The following TBX5 variants were observed in gnomAD, a reference collection of about 807,000 sequenced individuals.
TBX5 encodes the protein T-box transcription factor 5.
Under a neutral mutation model 51.1 loss-of-function variants are expected in TBX5, and 8 were observed. The observed-to-expected ratio is 0.16, with a 90% confidence interval of 0.09 to 0.28. The LOEUF is 0.28. TBX5 is among the 10% of genes least tolerant of loss of function. The probability of loss-of-function intolerance (pLI) is 1.00; values close to 1 mark genes in which losing one functional copy is unlikely to be tolerated. For missense variants in TBX5, 589 were observed against 671.7 expected, an observed-to-expected ratio of 0.88 and a Z score of 1.36; for synonymous variants, 302 against 266.4, an observed-to-expected ratio of 1.13 and a Z score of -1.30.
At chr12:114,368,004 G>T (rs1347715580) in intron 7 of TBX5, among the ~76,000 whole-genome samples, 4 of 152,158 alleles carry the variant, frequency 2.6e-5, no homozygotes, top group Non-Finnish European at 4.4e-5. Context: ...CCTAGAAGGA[G>T]CATGTGTCAG....
chr12:114,358,798 T>C (rs968119857), intron 8 of TBX5, among the ~76,000 whole-genome samples: 1 of 152,154 alleles, frequency 6.6e-6, no homozygotes, highest in African/African-American at 2.4e-5. Flanking sequence ...TGTTTGTTTG[T>C]TTGTTTGTTT....
intron 7 of TBX5, among the ~76,000 whole-genome samples, chr12:114,382,996 GA>G (rs1870597201): frequency 1.2e-5 from 1 of 83,152 alleles, no homozygotes; most frequent in South Asian, 5.0e-4. Flanking sequence ...AAAAAAAAAA[GA>G]GCTTTTAGAA....
At chr12:114,394,512 C>T (rs1593875527) in intron 6 of TBX5, among the ~76,000 whole-genome samples, 1 of 152,208 alleles carries the variant, frequency 6.6e-6, no homozygotes, top group East Asian at 1.9e-4. Context: ...TTGTTTCTAA[C>T]TGGTGTGGGT....
At chr12:114,406,556 G>A (rs1242437666), upstream of TBX5, among the ~76,000 whole-genome samples, 1 of 151,990 alleles carries the variant, frequency 6.6e-6, no homozygotes, top group East Asian at 1.9e-4. Context: ...CCGCCTGGCC[G>A]GCGCTCGCCT....
At position 114,403,893 on chromosome 12, in the gene TBX5, G is replaced by A. The variant is rs752191065; in HGVS notation, c.6C>T (p.Ala2=). 6.2e-6 allele frequency: 10 copies of A among 1,612,234 alleles called. No individual in the cohort carries two copies. The highest frequency in any genetic ancestry group is 8.5e-6 in the Non-Finnish European group (10 of 1,179,866). Residue 2 remains alanine, a synonymous_variant, in exon 2 of 9, where the codon GCC becomes GCT. Transcript: ENST00000405440. ...CCAGGCCAAAGCCCTCGTCTGCGTC[G>A]GCCATGGTGCGCCCAGGGCCCTGTG... M[A]DADEGFGLAH... is the part of the protein sequence containing the mutation.
intron 7 of TBX5, among the ~76,000 whole-genome samples, chr12:114,375,222 C>T (rs1870124644): frequency 6.6e-6 from 1 of 152,196 alleles, no homozygotes; most frequent in Admixed American, 6.5e-5. Context: ...CACTCATTCT[C>T]TAGAACCAAG....
Position 114,405,871 on chromosome 12 carries a change from G to A in TBX5, c.-282C>T, listed in dbSNP as rs2136427768. The A allele has an allele frequency of 2.0e-6, 2 of 985,462 alleles. No individual in the cohort carries two copies. Among genetic ancestry groups the A allele is most frequent in the South Asian group, 4.7e-5 (1 of 21,278 alleles). 61.0% of individuals were successfully genotyped at this position (985,462 alleles called of 1,614,324 possible). The stretch of plus-strand genomic sequence containing the variant: ...GCTCTCCCTAAATACTTCCCAGTTG[G>A]CAAGCGCCAAAGAACACAAAATAGC... On this transcript the variant is annotated 5_prime_UTR_variant, in exon 1 of 9. Transcript: ENST00000405440.
chr12:114,394,141 T>A (rs904812977), intron 6 of TBX5, among the ~76,000 whole-genome samples: 10 of 152,066 alleles, frequency 6.6e-5, no homozygotes, highest in African/African-American at 2.4e-4. Flanking sequence ...ACCCCGTCTT[T>A]ACAAAAAACA....
intron 3 of TBX5, among the ~76,000 whole-genome samples, chr12:114,401,548 T>A (rs1871811393): frequency 6.6e-6 from 1 of 152,184 alleles, no homozygotes. Context: ...CTCTTTATTC[T>A]TTCTATATGT....
chr12:114,355,872 G>T lies in TBX5; in HGVS notation c.1217C>A (p.Ser406Tyr). Reference sequence around the variant, plus strand: ...GGTGGTGACGGTGCAGCTGCTGTAGGAAGGCATGCTTGGCCACGTGTTGCA... The same window carrying T: ...GGTGGTGACGGTGCAGCTGCTGTAGTAAGGCATGCTTGGCCACGTGTTGCA... ...ISCNTWPSMP[S>Y]YSSCTVTTVQ... The change falls in exon 9 of 9, where the codon TCC (serine) becomes TAC (tyrosine). Residue 406 changes from serine (S) to tyrosine (Y), a missense_variant. This residue lies in a region of TBX5 where 348 missense variants were observed against 360.4 expected (regional missense o/e 0.97). Coordinates refer to ENST00000405440, the MANE Select transcript of TBX5 (RefSeq NM_181486.4). 1 of 1,613,746 alleles carries T rather than the reference G, an allele frequency of 6.2e-7. No homozygotes were observed. Among genetic ancestry groups the T allele is most frequent in the Non-Finnish European group, 8.5e-7 (1 of 1,180,040 alleles).
chr12:114,396,186 C>G (rs1317496147), intron 5 of TBX5, among the ~76,000 whole-genome samples: 1 of 151,898 alleles, frequency 6.6e-6, no homozygotes, highest in Admixed American at 6.5e-5. Flanking sequence ...TCGCGGGCCC[C>G]GCGGCTGCCC....
intron 7 of TBX5, among the ~76,000 whole-genome samples, chr12:114,374,166 G>C (rs993739090): frequency 6.6e-6 from 1 of 152,230 alleles, no homozygotes; most frequent in African/African-American, 2.4e-5. Context: ...AATGTTTTCT[G>C]TGCTAATATA....
At chr12:114,371,281 A>C (rs970165749) in intron 7 of TBX5, among the ~76,000 whole-genome samples, 19 of 152,144 alleles carry the variant, frequency 1.2e-4, no homozygotes, top group African/African-American at 4.6e-4. Flanking sequence ...CCCGACCCCA[A>C]CACGAGCTGG....
intron 8 of TBX5, among the ~76,000 whole-genome samples, chr12:114,360,373 T>C (rs1330661820): frequency 8.9e-6 from 1 of 112,058 alleles, no homozygotes; most frequent in East Asian, 3.1e-4. Context: ...GGAGGATAGA[T>C]GTATGGGTGG....
intron 5 of TBX5, among the ~76,000 whole-genome samples, chr12:114,396,231 C>G (rs1028889095): frequency 6.6e-6 from 1 of 151,336 alleles, no homozygotes; most frequent in Admixed American, 6.6e-5. Flanking sequence ...CTCCGGCCGC[C>G]GTGGCCCGGC....
At chr12:114,375,975 G>A (rs137909861) in intron 7 of TBX5, among the ~76,000 whole-genome samples, 4 of 152,102 alleles carry the variant, frequency 2.6e-5, no homozygotes, top group African/African-American at 9.7e-5. Context: ...AACCCAGGAA[G>A]TGGAAGCTGT....
In TBX5 at chr12:114,356,227, C is replaced by A. The variant is rs1868909112; in HGVS notation, c.983-121G>T. 1.3e-5 allele frequency: 13 copies of A among 969,992 alleles called. No homozygotes were observed. The South Asian group carries it at 1.7e-4, about 13-fold the overall frequency. 60.1% of individuals were successfully genotyped at this position (969,992 alleles called of 1,614,324 possible). On this transcript the variant is annotated intron_variant, in intron 8 of 8. Transcript: ENST00000405440. ...CCTGAGAGACTGTTAGCCCTAACCG[C>A]CATTCTGAATACAAAAAAAGGGGGT... is the stretch of plus-strand genomic sequence containing the variant.
chr12:114,365,702 T>G (rs1453612312), intron 8 of TBX5, among the ~76,000 whole-genome samples: 2 of 151,766 alleles, frequency 1.3e-5, no homozygotes, highest in Admixed American at 1.3e-4. Flanking sequence ...TGTGAACGCA[T>G]GCCTATAGTC....
intron 7 of TBX5, among the ~76,000 whole-genome samples, chr12:114,379,431 G>A (rs746132484): frequency 6.6e-6 from 1 of 152,176 alleles, no homozygotes; most frequent in Non-Finnish European, 1.5e-5. Context: ...TGTTGTTGGG[G>A]AAAGTTGTCG....
Sources: gnomAD v4.1 joint callset for allele counts (sites outside exome capture counted in the v4.1 genomes callset) on GRCh38, gnomAD v4.1.1 for gene constraint, gnomAD v4.1.1 regional missense constraint, MANE v1.5 for transcripts, NCBI Gene and HGNC (gene_info 2026-07-23, HGNC 2026-07-21) for gene names.